Variants in TYW1 observed in about 807,000 individuals in gnomAD.
TYW1 encodes tRNA-yW synthesizing protein 1 homolog.
Under a neutral mutation model 96.2 loss-of-function variants are expected in TYW1, and 46 were observed. The ratio of observed to expected loss-of-function variants is 0.48; its 90% CI spans 0.38 to 0.61. TYW1 has a LOEUF of 0.61. Among genes scored for constraint, TYW1 ranks in the 20% least tolerant of loss-of-function variants. The probability of loss-of-function intolerance (pLI) is 0.00; values close to 1 mark genes in which losing one functional copy is unlikely to be tolerated. For synonymous variants in TYW1, 274 were observed against 323.0 expected (o/e 0.85, Z 1.63); for missense variants, 684 against 909.6 (o/e 0.75, Z 3.19).
chr7:67,067,459 A>G lies in TYW1; in HGVS notation c.1274+56A>G, dbSNP rs190569118. 68 of 1,596,346 alleles carry G rather than the reference A, an allele frequency of 4.3e-5. No homozygotes were observed. The African/African-American group carries it at 7.6e-4, about 18-fold the overall frequency. ...AATATGTAATGAGCTGTGGTAATCA[A>G]TCTGCCCAGCTCACACTCAGACTTA... On this transcript the variant is annotated intron_variant, in intron 10 of 15. Transcript: ENST00000359626.
At chr7:67,033,764 T>TG (rs1794744221) in intron 7 of TYW1, among the ~76,000 whole-genome samples, 1 of 151,900 alleles carries the variant, frequency 6.6e-6, no homozygotes, top group African/African-American at 2.4e-5. Context: ...GGCGTGATCT[T>TG]GGCTCAGTAC....
chr7:67,029,407 G>GTATATATA (rs1453768398), intron 7 of TYW1, among the ~76,000 whole-genome samples: 77 of 96,246 alleles, frequency 8.0e-4, no homozygotes, highest in African/African-American at 2.9e-3. Flanking sequence ...GTGTGTGTGT[G>GTATATATA]TGTGTGTGTA....
intron 13 of TYW1, among the ~76,000 whole-genome samples, chr7:67,160,395 G>A (rs1584636248): frequency 6.6e-6 from 1 of 151,800 alleles, no homozygotes; most frequent in East Asian, 1.9e-4. Context: ...TTATATTTTT[G>A]TTAACAATTT....
intron 15 of TYW1, among the ~76,000 whole-genome samples, chr7:67,222,701 A>G (rs1387466852): frequency 5.3e-5 from 8 of 151,506 alleles, no homozygotes; most frequent in Non-Finnish European, 1.5e-5. Flanking sequence ...AACTTCTTCA[A>G]TGTTTATATT....
intron 15 of TYW1, among the ~76,000 whole-genome samples, chr7:67,205,107 T>G (rs1231139374): frequency 1.3e-5 from 2 of 152,084 alleles, no homozygotes; most frequent in Non-Finnish European, 2.9e-5. Context: ...CTCTGGATCT[T>G]ATTTATTAAT....
intron 9 of TYW1, among the ~76,000 whole-genome samples, chr7:67,059,279 A>G (rs950701255): frequency 2.0e-5 from 3 of 148,922 alleles, no homozygotes; most frequent in African/African-American, 7.4e-5. Flanking sequence ...TTTTTTTTGT[A>G]TTTTTAGTAG....
At chr7:67,065,578 G>A (rs936124400) in intron 9 of TYW1, among the ~76,000 whole-genome samples, 4 of 151,238 alleles carry the variant, frequency 2.6e-5, no homozygotes, top group Admixed American at 2.6e-4. Flanking sequence ...GAAGAGGTTT[G>A]TAGGCACAGG....
chr7:67,225,190 C>CAA (rs10600752), intron 15 of TYW1, among the ~76,000 whole-genome samples: 200 of 77,516 alleles, frequency 2.6e-3, no homozygotes, highest in African/African-American at 3.5e-3. Context: ...GACTCCGTCT[C>CAA]AAAAAAAAAA....
chr7:67,059,740 A>C (rs928788551), intron 9 of TYW1, among the ~76,000 whole-genome samples: 1 of 151,410 alleles, frequency 6.6e-6, no homozygotes, highest in African/African-American at 2.4e-5. Context: ...CTTTCTCAGA[A>C]AGCATGACTG....
Position 67,009,641 on chromosome 7 carries a change from T to C in TYW1, c.332T>C (p.Ile111Thr), listed in dbSNP as rs760305274. The C allele has an allele frequency of 1.2e-6, 2 of 1,612,462 alleles. No individual in the cohort carries two copies. Among genetic ancestry groups the C allele is most frequent in the South Asian group, 1.1e-5 (1 of 90,262 alleles). ...TCCCTGGATCTGCCTGTGGCCATTA[T>C]TAATCTAAAAGAATATGATCCAGAT... ...VTSLDLPVAI[I>T]NLKEYDPDDH... The change falls in exon 4 of 16, where the codon ATT (isoleucine) becomes ACT (threonine). Residue 111 changes from isoleucine (I) to threonine (T), a missense_variant. Coordinates refer to ENST00000359626, the MANE Select transcript of TYW1 (RefSeq NM_018264.4).
chr7:67,104,586 T>A (rs1412812776), intron 12 of TYW1, among the ~76,000 whole-genome samples: 1 of 151,906 alleles, frequency 6.6e-6, no homozygotes, highest in Non-Finnish European at 1.5e-5. Flanking sequence ...TCAGACTCTT[T>A]CTGACAGTTC....
intron 4 of TYW1, among the ~76,000 whole-genome samples, chr7:67,010,597 T>C (rs894512844): frequency 1.3e-5 from 2 of 151,700 alleles, no homozygotes; most frequent in South Asian, 2.1e-4. Context: ...TGCCTCAGCC[T>C]CCCGAGTAGG....
In TYW1 at chr7:67,031,118, G is replaced by T. The variant is rs373512959; in HGVS notation, c.984+6096G>T. On this transcript the variant is annotated intron_variant, in intron 7 of 15. Transcript: ENST00000359626. ...TGAGGCAGGAGAATCACTTGAACCCGGGAGGCGGAGCTTGCAGTGAGCTGA... is the reference window on the plus strand; with the variant it reads ...TGAGGCAGGAGAATCACTTGAACCCTGGAGGCGGAGCTTGCAGTGAGCTGA... 6.3e-4 allele frequency among the ~76,000 whole-genome samples: 88 copies of T among 138,884 alleles called. No individual in the cohort carries two copies. In the East Asian group the frequency reaches 0.017, roughly 27 times the overall value. 91.1% of individuals were successfully genotyped at this position (138,884 alleles called of 152,430 possible).
chr7:67,154,526 T>G (rs2116184518), intron 13 of TYW1, among the ~76,000 whole-genome samples: 1 of 150,870 alleles, frequency 6.6e-6, no homozygotes, highest in Non-Finnish European at 1.5e-5. Flanking sequence ...CATTCTCTCC[T>G]GTTCTATAAG....
chr7:67,083,507 A>G lies in TYW1; in HGVS notation c.1352A>G (p.Glu451Gly). 6.2e-7 allele frequency: 1 copy of G among 1,614,186 alleles called. No individual in the cohort carries two copies. Among genetic ancestry groups the G allele is most frequent in the Non-Finnish European group, 8.5e-7 (1 of 1,180,024 alleles). ...GAAATGATCTTGAAGGAAGCCATTGAAAACCATCAGAACATGATTAAGCAG... is the reference window on the plus strand; with the variant it reads ...GAAATGATCTTGAAGGAAGCCATTGGAAACCATCAGAACATGATTAAGCAG... ...QPEMILKEAI[E>G]NHQNMIKQFK... Residue 451 changes from glutamate (E) to glycine (G), a missense_variant, in exon 11 of 16, where the codon GAA (glutamate) becomes GGA (glycine). Glu to Gly is a moderately conservative substitution (Grantham distance 98, BLOSUM62 -2). Coordinates refer to ENST00000359626, the MANE Select transcript of TYW1 (RefSeq NM_018264.4).
intron 6 of TYW1, among the ~76,000 whole-genome samples, chr7:67,020,114 G>A (rs957561349): frequency 1.3e-5 from 2 of 152,298 alleles, no homozygotes; most frequent in Non-Finnish European, 2.9e-5. Context: ...GGAGGCTCAT[G>A]CCTATAATCC....
intron 14 of TYW1, among the ~76,000 whole-genome samples, chr7:67,185,912 T>C (rs980905393): frequency 7.4e-6 from 1 of 134,708 alleles, no homozygotes; most frequent in Non-Finnish European, 1.6e-5. Context: ...AGCTGTCTTT[T>C]GGTGAGTTTA....
At chr7:67,054,164 T>C (rs1334908677) in intron 8 of TYW1, among the ~76,000 whole-genome samples, 1 of 152,250 alleles carries the variant, frequency 6.6e-6, no homozygotes, top group African/African-American at 2.4e-5. Flanking sequence ...CTCTTTGTTA[T>C]TCCATCTTGG....
chr7:67,143,747 C>T (rs1470057419), intron 13 of TYW1, among the ~76,000 whole-genome samples: 2 of 152,186 alleles, frequency 1.3e-5, no homozygotes, highest in Admixed American at 6.5e-5. Flanking sequence ...ATGGTCTTAA[C>T]GATCTAGCTG....
Sources: allele counts gnomAD v4.1 joint callset (sites outside exome capture counted in the v4.1 genomes callset), GRCh38; gene constraint gnomAD v4.1.1; transcripts MANE v1.5; gene names NCBI Gene and HGNC (gene_info 2026-07-23, HGNC 2026-07-21).